The following NBR1 variants were observed in gnomAD, a reference collection of about 807,000 sequenced individuals.
NBR1 encodes the protein NBR1 autophagy cargo receptor.
NBR1 carries 59 observed loss-of-function variants against 115.5 expected under a neutral mutation model. The observed-to-expected ratio is 0.51, with a 90% CI of 0.41 to 0.63. The LOEUF is 0.63. NBR1 is among the 30% of genes least tolerant of loss of function. The probability of loss-of-function intolerance (pLI) is 0.00; values close to 1 mark genes in which losing one functional copy is unlikely to be tolerated. For missense variants in NBR1, 1,043 were observed against 1,150.5 expected (o/e 0.91, Z 1.35); for synonymous variants, 373 against 414.7 (o/e 0.90, Z 1.22).
intron 16 of NBR1, among the ~76,000 whole-genome samples, chr17:43,199,535 C>T (rs1011769880): frequency 7.2e-5 from 11 of 152,068 alleles, no homozygotes; most frequent in South Asian, 4.1e-4. Flanking sequence ...CCACCATGCC[C>T]GGGTAATTTT....
At chr17:43,188,414 C>T (rs777178883) in intron 6 of NBR1, among the ~76,000 whole-genome samples, 75 of 152,096 alleles carry the variant, frequency 4.9e-4, no homozygotes, top group Non-Finnish European at 7.9e-4. Context: ...GTAGGTTGCC[C>T]GTTCACTCTG....
In NBR1 at chr17:43,200,558, A is replaced by G. The variant is rs2057175458; in HGVS notation, c.2418A>G (p.Glu806=). ...SDILTTSQTL[E]TVPLIPEVVE... Reference sequence around the variant, plus strand: ...TCCTCACGACCTCACAGACTCTGGAAACAGTGCCCCTAATCCCAGAGGTAG... The same window carrying G: ...TCCTCACGACCTCACAGACTCTGGAGACAGTGCCCCTAATCCCAGAGGTAG... Residue 806 remains glutamate (E), a synonymous_variant, in exon 17 of 21, where the codon GAA becomes GAG. Coordinates refer to ENST00000590996, the MANE Select transcript of NBR1 (RefSeq NM_005899.5). The G allele has an allele frequency of 6.2e-7, 1 of 1,613,292 alleles. No individual in the cohort carries two copies. The highest frequency in any genetic ancestry group is 8.5e-7 in the Non-Finnish European group (1 of 1,179,468).
rs1438305500 is a variant in NBR1 at position 43,190,553 on chromosome 17, C to T, written c.696-56C>T. The T allele has an allele frequency of 3.9e-6, 6 of 1,535,318 alleles. No individual in the cohort carries two copies. The African/African-American group carries it at 4.1e-5, about 11-fold the overall frequency. ...CATAGAAGTATGGTCTTATATCTCC[C>T]TACCCCAGGTACTTCCTATTCTGCC... On this transcript the variant is annotated intron_variant, in intron 8 of 20. Transcript: ENST00000590996.
chr17:43,189,138 T>G lies in NBR1; in HGVS notation c.480+19T>G. 6.3e-7 allele frequency: 1 copy of G among 1,579,654 alleles called. No homozygotes were observed. Among genetic ancestry groups the G allele is most frequent in the Non-Finnish European group, 8.7e-7 (1 of 1,148,746 alleles). On this transcript the variant is annotated intron_variant, in intron 7 of 20. Transcript: ENST00000590996. The stretch of plus-strand genomic sequence containing the variant: ...GGAGACGGTGAGTGTTCTGTCTCGC[T>G]TGGGTTTTAACTGCGGTGTTGGCAC...
intron 18 of NBR1, among the ~76,000 whole-genome samples, chr17:43,202,297 G>A (rs1469794103): frequency 6.6e-6 from 1 of 151,962 alleles, no homozygotes; most frequent in Non-Finnish European, 1.5e-5. Context: ...AAAGAACACA[G>A]GCTTTGGAGC....
At chr17:43,175,610 A>G (rs1201151003) in intron 1 of NBR1, among the ~76,000 whole-genome samples, 181 bp from the exon 2 acceptor site, 1 of 148,200 alleles carries the variant, frequency 6.7e-6, no homozygotes, top group African/African-American at 2.4e-5. Context: ...AACAATTCCT[A>G]TTTAACAGTG....
At chr17:43,186,473 A>G (rs759739776) in intron 6 of NBR1, 29 bp downstream of exon 6, 8 of 1,432,138 alleles carry the variant, frequency 5.6e-6, no homozygotes, top group Non-Finnish European at 7.3e-6. Flanking sequence ...AGTCTATCCA[A>G]TATCGTTTCT....
At position 43,175,787 on chromosome 17, in the gene NBR1, C is replaced by G. The variant is rs1244944650; in HGVS notation, c.-9-4C>G. The stretch of plus-strand genomic sequence containing the variant: ...CTCTCTCCCACCAACCTTCTCAACC[C>G]TAGCCTCACAGCATGGAACCACAGG... On this transcript the variant is annotated splice_polypyrimidine_tract_variant and splice_region_variant and intron_variant, in intron 1 of 20. Transcript: ENST00000590996. 1 of 1,451,286 alleles carries G rather than the reference C, an allele frequency of 6.9e-7. No homozygotes were observed. The highest frequency in any genetic ancestry group is 9.6e-7 in the Non-Finnish European group (1 of 1,041,866). The allele number at this position is 1,451,286 out of a possible 1,614,324, so 89.9% of individuals were successfully genotyped here.
chr17:43,198,057 A>G (rs1198082668), intron 16 of NBR1, among the ~76,000 whole-genome samples: 3 of 151,878 alleles, frequency 2.0e-5, no homozygotes, highest in African/African-American at 4.8e-5. Context: ...AATCCCAGGT[A>G]CTTGGGAGGC....
At chr17:43,192,470 G>A (rs987112772) in intron 10 of NBR1, among the ~76,000 whole-genome samples, 4 of 152,124 alleles carry the variant, frequency 2.6e-5, no homozygotes, top group African/African-American at 7.2e-5. Context: ...CTGGGTTCAC[G>A]CCATTCTCCT....
At chr17:43,190,540 G>A (rs1390755414) in intron 8 of NBR1, 69 bp from the exon 9 acceptor site, 1 of 1,505,500 alleles carries the variant, frequency 6.6e-7, no homozygotes, top group Non-Finnish European at 9.0e-7. Context: ...TAGAAGTATG[G>A]TCTTATATCT....
At chr17:43,184,646 A>G (rs2056757559) in intron 5 of NBR1, among the ~76,000 whole-genome samples, 1 of 151,830 alleles carries the variant, frequency 6.6e-6, no homozygotes, top group South Asian at 2.1e-4. Context: ...GATTACAGGC[A>G]TGAGCCACCG....
chr17:43,180,761 G>T, intron 4 of NBR1, 34 bp from the exon 5 acceptor site: 1 of 1,437,790 alleles, frequency 7.0e-7, no homozygotes. Flanking sequence ...GGTGTGTGAA[G>T]AAGTATCATG....
Position 43,200,315 on chromosome 17 carries a change from C to T in NBR1, c.2175C>T (p.Ser725=). ...DELKDEVQSQ[S]SASSEDYIII... ...TCAAAGATGAAGTTCAAAGTCAGTC[C>T]TCTGCTTCCTCAGAGGATTACATCA... Residue 725 remains serine, a synonymous_variant, in exon 17 of 21, where the codon TCC becomes TCT. Coordinates refer to ENST00000590996, the MANE Select transcript of NBR1 (RefSeq NM_005899.5). 6.4e-7 allele frequency: 1 copy of T among 1,552,240 alleles called. No individual in the cohort carries two copies. The highest frequency in any genetic ancestry group is 1.2e-5 in the South Asian group (1 of 84,084).
At chr17:43,178,538 G>A (rs1234175000) in intron 3 of NBR1, among the ~76,000 whole-genome samples, 3 of 151,086 alleles carry the variant, frequency 2.0e-5, no homozygotes, top group African/African-American at 4.9e-5. Context: ...CACCACGCCT[G>A]GCTAATTTTT....
At chr17:43,182,169 C>T (rs2154582020) in intron 5 of NBR1, among the ~76,000 whole-genome samples, 1 of 147,634 alleles carries the variant, frequency 6.8e-6, no homozygotes, top group East Asian at 2.0e-4. Context: ...ACTATGTTTA[C>T]TGGTTCACAT....
chr17:43,188,481 A>G (rs150935822), intron 6 of NBR1, among the ~76,000 whole-genome samples: 2,133 of 152,202 alleles, frequency 0.014, 21 homozygotes, highest in Non-Finnish European at 0.02. Flanking sequence ...CCCATTGTCA[A>G]TTTTGGCTTT....
At chr17:43,199,894 TG>T (rs1465370025) in intron 16 of NBR1, among the ~76,000 whole-genome samples, 1 of 152,248 alleles carries the variant, frequency 6.6e-6, no homozygotes. Flanking sequence ...AAAAAAGGGA[TG>T]GAGCTGCCTC....
At position 43,190,723 on chromosome 17, in the gene NBR1, C is replaced by T; in HGVS notation, c.810C>T (p.Phe270=). 6.2e-7 allele frequency: 1 copy of T among 1,613,840 alleles called. No homozygotes were observed. The highest frequency in any genetic ancestry group is 8.5e-7 in the Non-Finnish European group (1 of 1,179,780). The change falls in exon 9 of 21, where the codon TTC becomes TTT. Residue 270 remains phenylalanine, a synonymous_variant. Coordinates refer to ENST00000590996, the MANE Select transcript of NBR1 (RefSeq NM_005899.5). ...RRPVVGSSEP[F]CHSKYSTPRL... is the part of the protein sequence containing the mutation. ...CTGTTGTGGGCTCCTCTGAACCGTT[C>T]TGTCACTCAAAGTACTCTACTCCTC...
Sources: gnomAD v4.1 joint callset for allele counts (sites outside exome capture counted in the v4.1 genomes callset) on GRCh38, gnomAD v4.1.1 for gene constraint, MANE v1.5 for transcripts, NCBI Gene and HGNC (gene_info 2026-07-23, HGNC 2026-07-21) for gene names.